The following AACS variants were observed in gnomAD, a reference collection of about 807,000 sequenced individuals.
AACS encodes acetoacetyl-CoA synthetase.
A neutral mutation model predicts 83.1 loss-of-function variants in AACS; 69 were observed. The observed-to-expected ratio is 0.83, with a 90% CI of 0.68 to 1.01. AACS has a LOEUF of 1.01. AACS is among the 50% of genes least tolerant of loss of function. The pLI, the probability that AACS is intolerant of heterozygous loss-of-function variation, is 0.00. For synonymous variants in AACS, 333 were observed against 343.4 expected, an observed-to-expected ratio of 0.97 and a Z score of 0.33; for missense variants, 866 against 882.2, an observed-to-expected ratio of 0.98 and a Z score of 0.23.
At chr12:125,111,423 G>A (rs1012136230) in intron 8 of AACS, among the ~76,000 whole-genome samples, 3 of 152,144 alleles carry the variant, frequency 2.0e-5, no homozygotes, top group Non-Finnish European at 4.4e-5. Flanking sequence ...TTTAAGAGGA[G>A]CATAAAAATG....
chr12:125,068,666 A>C (rs562066094), intron 1 of AACS, among the ~76,000 whole-genome samples: 1 of 146,300 alleles, frequency 6.8e-6, no homozygotes, highest in South Asian at 2.2e-4. Flanking sequence ...TTTCCACCTG[A>C]CTCTCCCCTT....
chr12:125,134,342 G>C (rs1565955740), intron 15 of AACS, among the ~76,000 whole-genome samples: 1 of 152,216 alleles, frequency 6.6e-6, no homozygotes, highest in Non-Finnish European at 1.5e-5. Flanking sequence ...AGCATTGTCT[G>C]CTCAGTCTGC....
At chr12:125,102,891 T>C (rs551732352) in intron 6 of AACS, 98 bp downstream of exon 6, 4 of 1,429,068 alleles carry the variant, frequency 2.8e-6, no homozygotes, top group East Asian at 2.3e-5. Context: ...CTGCCCCAGA[T>C]TGTGTTATAT....
At chr12:125,115,548 C>T (rs941417213) in intron 9 of AACS, among the ~76,000 whole-genome samples, 5 of 152,220 alleles carry the variant, frequency 3.3e-5, no homozygotes, top group African/African-American at 9.6e-5. Context: ...GCGTGAGCCA[C>T]CGCCCCTGGC....
rs112725677 is a variant in AACS at position 125,086,750 on chromosome 12, A to G, written c.472+307A>G. On this transcript the variant is annotated intron_variant, in intron 4 of 17. Transcript: ENST00000316519. ...TGCTGGAGGGATGAAGGCGCATTCAATATGGGCTTGCTGGAGGGATGAAGG... is the reference window on the plus strand; with the variant it reads ...TGCTGGAGGGATGAAGGCGCATTCAGTATGGGCTTGCTGGAGGGATGAAGG... Among the ~76,000 whole-genome samples the G allele has an allele frequency of 9.8e-4, 148 of 151,292 alleles. 2 individuals are homozygous for G. The highest frequency in any genetic ancestry group is 3.4e-3 in the African/African-American group (139 of 41,182).
At position 125,134,833 on chromosome 12, in the gene AACS, C is replaced by T; in HGVS notation, c.1659C>T (p.Ser553=). 1 of 1,614,140 alleles carries T rather than the reference C, an allele frequency of 6.2e-7. No homozygotes were observed. The highest frequency in any genetic ancestry group is 8.5e-7 in the Non-Finnish European group (1 of 1,180,018). ...ACCCCAACGGGGTGCGGTTCGGCAG[C>T]TCGGAAATCTATAACATTGGTACGT... ...TLNPNGVRFG[S]SEIYNIVESF... is the part of the protein sequence containing the mutation. The change falls in exon 16 of 18, where the codon AGC becomes AGT. Residue 553 remains serine (S), a synonymous_variant. Coordinates refer to ENST00000316519, the MANE Select transcript of AACS (RefSeq NM_023928.5).
chr12:125,097,759 G>A lies in AACS; in HGVS notation c.571-4920G>A, dbSNP rs1165050898. Among the ~76,000 whole-genome samples, 1 of 152,158 alleles carries A rather than the reference G, an allele frequency of 6.6e-6. No homozygotes were observed. Among genetic ancestry groups the A allele is most frequent in the Non-Finnish European group, 1.5e-5 (1 of 68,028 alleles). On this transcript the variant is annotated intron_variant, in intron 5 of 17. Transcript: ENST00000316519. The surrounding 1 kb of genome is among the most constrained non-coding windows in gnomAD (Gnocchi z 4.3). ...CAGTGAGCCCCAGAGGAGCTCACAA[G>A]TCCCCAGGGGGAGCCCCATCTCAGT... is the stretch of plus-strand genomic sequence containing the variant.
rs41473449 is a variant in AACS, at chr12:125,136,873, A to G, written c.1881+9A>G. 546,275 of 1,610,254 alleles carry G rather than the reference A, an allele frequency of 0.34. 94,418 individuals are homozygous for G. The highest frequency in any genetic ancestry group is 0.5 in the East Asian group (22,351 of 44,792). ...AAACCAAGGGCATCCCGGTATGGCC[A>G]TCTCCCGCCAGCGAGGAGACCGCAG... On this transcript the variant is annotated intron_variant, in intron 17 of 17. Coordinates refer to ENST00000316519, the MANE Select transcript of AACS (RefSeq NM_023928.5).
chr12:125,118,898 C>T (rs1200623996), intron 10 of AACS, 133 bp downstream of exon 10: 2 of 1,334,738 alleles, frequency 1.5e-6, no homozygotes, highest in African/African-American at 1.5e-5. Flanking sequence ...TTTGTGGACG[C>T]CCCCTCTCCA....
At chr12:125,072,982 C>T (rs1955916619) in intron 1 of AACS, among the ~76,000 whole-genome samples, 2 of 129,204 alleles carry the variant, frequency 1.5e-5, no homozygotes, top group Non-Finnish European at 3.1e-5. Flanking sequence ...GGCTAGAGTG[C>T]AGTGGCGCGA....
intron 5 of AACS, among the ~76,000 whole-genome samples, chr12:125,099,371 C>T (rs1329101427): frequency 1.3e-5 from 2 of 152,234 alleles, no homozygotes; most frequent in Non-Finnish European, 2.9e-5. Flanking sequence ...GTCACTTCAG[C>T]TGTGGTGCTG....
At chr12:125,108,402 C>A (rs1170495240) in intron 8 of AACS, among the ~76,000 whole-genome samples, 3 of 152,188 alleles carry the variant, frequency 2.0e-5, no homozygotes, top group Admixed American at 6.5e-5. Context: ...CTGAGGACCC[C>A]AGTCAGATCG....
At chr12:125,124,826 C>T (rs147704350) in intron 11 of AACS, 57 bp downstream of exon 11, 2 of 1,613,816 alleles carry the variant, frequency 1.2e-6, no homozygotes, top group Non-Finnish European at 1.7e-6. Flanking sequence ...AAATTAAATC[C>T]ATCCTATTTC....
At chr12:125,086,541 G>A (rs893922542) in intron 4 of AACS, 98 bp downstream of exon 4, 5 of 1,090,588 alleles carry the variant, frequency 4.6e-6, no homozygotes, top group Non-Finnish European at 5.5e-6. Flanking sequence ...GGGGAGTCAT[G>A]TCATATTACA....
At chr12:125,103,524 T>C (rs1956763408) in intron 7 of AACS, among the ~76,000 whole-genome samples, 1 of 146,538 alleles carries the variant, frequency 6.8e-6, no homozygotes, top group Non-Finnish European at 1.5e-5. Flanking sequence ...CAGGTGCACA[T>C]GCATGTGTAC....
At chr12:125,109,473 G>A (rs1262497293) in intron 8 of AACS, among the ~76,000 whole-genome samples, 4 of 152,166 alleles carry the variant, frequency 2.6e-5, no homozygotes, top group Admixed American at 6.5e-5. Context: ...CTCTCTCAGC[G>A]TATATACACA....
chr12:125,081,966 C>T (rs188310159), intron 3 of AACS, among the ~76,000 whole-genome samples: 4 of 151,936 alleles, frequency 2.6e-5, no homozygotes, highest in African/African-American at 9.7e-5. Flanking sequence ...GCCTCCGCCT[C>T]CTGGCTTCAA....
chr12:125,136,349 C>T (rs538279150), intron 16 of AACS, among the ~76,000 whole-genome samples: 15 of 152,296 alleles, frequency 9.8e-5, no homozygotes, highest in African/African-American at 3.1e-4. Context: ...CATGCCCGGC[C>T]CTCTTTTTTA....
intron 1 of AACS, among the ~76,000 whole-genome samples, chr12:125,071,473 T>C (rs1955860023): frequency 6.6e-6 from 1 of 152,188 alleles, no homozygotes; most frequent in African/African-American, 2.4e-5. Context: ...GCAGCACATA[T>C]ACTAGGTAGA....
Sources: allele counts gnomAD v4.1 joint callset (sites outside exome capture counted in the v4.1 genomes callset), GRCh38; gene constraint gnomAD v4.1.1; non-coding constraint Gnocchi (gnomAD v3.1); transcripts MANE v1.5; gene names NCBI Gene and HGNC (gene_info 2026-07-23, HGNC 2026-07-21).